LMTK3: variants seen among roughly 807,000 people sequenced by gnomAD.
LMTK3 encodes the protein lemur tail kinase 3.
Under a neutral mutation model 116.7 loss-of-function variants are expected in LMTK3, and 27 were observed. The ratio of observed to expected loss-of-function variants is 0.23; its 90% CI spans 0.17 to 0.32. LMTK3 has a LOEUF of 0.32. Ranked by LOEUF, LMTK3 falls within the 10% of genes least tolerant of loss-of-function variation. The pLI is 1.00. For missense variants in LMTK3, 1,764 were observed against 2,068.5 expected (o/e 0.85, Z 2.86); for synonymous variants, 965 against 971.0 (o/e 0.99, Z 0.11).
chr19:48,486,216 C>A (rs1450596346), intron 14 of LMTK3, among the ~76,000 whole-genome samples: 1 of 150,294 alleles, frequency 6.7e-6, no homozygotes, highest in African/African-American at 2.5e-5. Flanking sequence ...CCCGCCACTA[C>A]GCCCGGCTAA....
At position 48,509,555 on chromosome 19, in the gene LMTK3, T is replaced by A. The variant is rs370567574; in HGVS notation, c.362-42A>T. 90 of 1,489,622 alleles carry A rather than the reference T, an allele frequency of 6.0e-5. No individual in the cohort carries two copies. In the African/African-American group the frequency reaches 1.2e-3, roughly 19 times the overall value. The allele number at this position is 1,489,622 out of a possible 1,614,324, so 92.3% of individuals were successfully genotyped here. On this transcript the variant is annotated intron_variant, in intron 3 of 14. Coordinates refer to ENST00000600059, the MANE Select transcript of LMTK3 (RefSeq NM_001388485.1). ...GGGAAAGCCCCTGAGTCTCTCCCCC[T>A]TCCTGAGTGCTACCAACACACCCCA...
Position 48,496,179 on chromosome 19 carries a change from G to A in LMTK3, c.3676+1214C>T, listed in dbSNP as rs561156060. ...GGCTGGAGTGCAGTGACGTGATCTC[G>A]GCTCACTGCAATCTCTGACTCACAG... On this transcript the variant is annotated intron_variant, in intron 11 of 14. Coordinates refer to ENST00000600059, the MANE Select transcript of LMTK3 (RefSeq NM_001388485.1). Among the ~76,000 whole-genome samples the A allele has an allele frequency of 2.0e-5, 3 of 152,196 alleles. No homozygotes were observed. In the South Asian group the frequency reaches 6.2e-4, roughly 32 times the overall value.
Position 48,499,806 on chromosome 19 carries a change from C to T in LMTK3, c.1263G>A (p.Pro421=), listed in dbSNP as rs1412510259. The T allele has an allele frequency of 8.0e-6, 5 of 623,018 alleles. No homozygotes were observed. Among genetic ancestry groups the T allele is most frequent in the South Asian group, 3.9e-5 (2 of 51,814 alleles). The allele number at this position is 623,018 out of a possible 1,614,324, so 38.6% of individuals were successfully genotyped here. Residue 421 remains proline, a synonymous_variant, in exon 11 of 15, where the codon CCG becomes CCA. Transcript: ENST00000600059. The part of the protein sequence containing the change: ...LLSERPPRPP[P]PPPPPRDGPF... ...GACCGTCTCGGGGTGGGGGTGGCGG[C>T]GGTGGGGGCCGGGGAGGCCGCTCGG...
At chr19:48,487,961 G>A (rs1017198130) in intron 14 of LMTK3, among the ~76,000 whole-genome samples, 1 of 152,158 alleles carries the variant, frequency 6.6e-6, no homozygotes, top group Non-Finnish European at 1.5e-5. Flanking sequence ...GGGCAGAGGA[G>A]AGGACCCGCC....
Position 48,499,426 on chromosome 19 carries a change from G to A in LMTK3, c.1643C>T (p.Pro548Leu). The A allele has an allele frequency of 6.8e-7, 1 of 1,461,574 alleles. No homozygotes were observed. Among genetic ancestry groups the A allele is most frequent in the Non-Finnish European group, 9.0e-7 (1 of 1,106,388 alleles). 90.5% of individuals were successfully genotyped at this position (1,461,574 alleles called of 1,614,324 possible). ...GTCGTTGGGGAAGAGGGGCTCAGGAGGGGAGCCGTGCTCCTCCAAGCGGAT... is the reference window on the plus strand; with the variant it reads ...GTCGTTGGGGAAGAGGGGCTCAGGAAGGGAGCCGTGCTCCTCCAAGCGGAT... ...YYIRLEEHGS[P>L]PEPLFPNDWD... The change falls in exon 11 of 15, where the codon CCT becomes CTT. Residue 548 changes from proline to leucine, a missense_variant. By Grantham distance (98) the Pro-to-Leu change is moderately conservative. Around this residue, in one of 7 missense-constraint regions of LMTK3, gnomAD observed 1,028 missense variants for 1,050.6 expected, o/e 0.98. Coordinates refer to ENST00000600059, the MANE Select transcript of LMTK3 (RefSeq NM_001388485.1).
At chr19:48,490,991 G>T in intron 14 of LMTK3, 117 bp downstream of exon 14, 1 of 653,912 alleles carries the variant, frequency 1.5e-6, no homozygotes, top group Non-Finnish European at 2.2e-6. Context: ...AGAGGGGAGA[G>T]AGAAGAGACT....
chr19:48,505,082 TC>T (rs1271299900), intron 5 of LMTK3, among the ~76,000 whole-genome samples: 1 of 106,928 alleles, frequency 9.4e-6, no homozygotes, highest in African/African-American at 5.5e-5. Context: ...TCTGACAGTT[TC>T]TCTCTCTCTC....
In LMTK3 at chr19:48,493,760, G is replaced by T. The variant is rs1382773869; in HGVS notation, c.4026C>A (p.Ser1342Arg). 3 of 1,561,342 alleles carry T rather than the reference G, an allele frequency of 1.9e-6. No homozygotes were observed. Among genetic ancestry groups the T allele is most frequent in the African/African-American group, 2.7e-5 (2 of 72,852 alleles). The stretch of plus-strand genomic sequence containing the variant: ...CCATCTTGCGCTTCCTCTCCAGCTC[G>T]CTGTCCTCTGGCTCGTCGGCCCCGC... ...SPRGADEPEDSELERKRKMVS... is the reference protein window; with the variant it reads ...SPRGADEPEDRELERKRKMVS... The change falls in exon 12 of 15, where the codon AGC becomes AGA. Residue 1342 changes from serine to arginine, a missense_variant. Ser to Arg is a moderately radical substitution (Grantham distance 110). This residue lies in a region of LMTK3 where 281 missense variants were observed against 301.4 expected (regional missense o/e 0.93). Transcript: ENST00000600059.
At chr19:48,511,283 T>A (rs893914160) in intron 1 of LMTK3, among the ~76,000 whole-genome samples, 1 of 152,126 alleles carries the variant, frequency 6.6e-6, no homozygotes, top group Non-Finnish European at 1.5e-5. Context: ...CATACACACA[T>A]GTTGCCCAAA....
Position 48,491,616 on chromosome 19 carries a change from A to T in LMTK3, c.4093-77T>A. The T allele has an allele frequency of 8.2e-7, 1 of 1,214,324 alleles. No homozygotes were observed. Among genetic ancestry groups the T allele is most frequent in the South Asian group, 3.3e-5 (1 of 30,592 alleles). The allele number at this position is 1,214,324 out of a possible 1,614,324, so 75.2% of individuals were successfully genotyped here. On this transcript the variant is annotated intron_variant, in intron 12 of 14. Coordinates refer to ENST00000600059, the MANE Select transcript of LMTK3 (RefSeq NM_001388485.1). This position sits in a 1 kb window ranked among gnomAD's most constrained non-coding sequence, Gnocchi z 5.1. ...TTTACCGCATCCCCCAAAAGCAACA[A>T]AACCGGCTAATATTTCTGGGGCTCT...
Position 48,498,288 on chromosome 19 carries a change from T to G in LMTK3, c.2781A>C (p.Thr927=). ...CTCTCTGGTCCCCGTTCTCCAGCAC[T>G]GTCACCCCGTTCACTGGGAGGCTCA... ...PSLSLPVNGV[T]VLENGDQRAP... The change falls in exon 11 of 15, where the codon ACA becomes ACC. Residue 927 remains threonine, a synonymous_variant. Transcript: ENST00000600059. 1 of 1,613,282 alleles carries G rather than the reference T, an allele frequency of 6.2e-7. No homozygotes were observed. The highest frequency in any genetic ancestry group is 8.5e-7 in the Non-Finnish European group (1 of 1,179,684).
chr19:48,492,963 C>T (rs1488257642), intron 12 of LMTK3, among the ~76,000 whole-genome samples: 3 of 151,276 alleles, frequency 2.0e-5, no homozygotes, highest in African/African-American at 7.3e-5. Flanking sequence ...TCAAAGCCTC[C>T]TCCCATCTTC....
At position 48,504,971 on chromosome 19, in the gene LMTK3, G is replaced by A. The variant is rs1324555209; in HGVS notation, c.558-1975C>T. ...TGTACTTCCCATGGTGCTTTGCATG[G>A]CTGACTTCTCCAAGTCAACCCGGCC... On this transcript the variant is annotated intron_variant, in intron 5 of 14. Transcript: ENST00000600059. Among the ~76,000 whole-genome samples the A allele has an allele frequency of 2.0e-5, 3 of 151,932 alleles. No individual in the cohort carries two copies. In the East Asian group the frequency reaches 5.8e-4, roughly 29 times the overall value.
Position 48,497,222 on chromosome 19 carries a change from G to C in LMTK3, c.3676+171C>G, listed in dbSNP as rs1417511216. On this transcript the variant is annotated intron_variant, in intron 11 of 14. Transcript: ENST00000600059. This position sits in a 1 kb window ranked among gnomAD's most constrained non-coding sequence, Gnocchi z 5.7. ...CGTGCAGCAAGGACATTTGCCCAAG[G>C]CCAAAGAGCTAGAGAGGGGGCTGAG... 1.3e-5 allele frequency among the ~76,000 whole-genome samples: 2 copies of C among 152,190 alleles called. No homozygotes were observed. The highest frequency in any genetic ancestry group is 2.4e-5 in the African/African-American group (1 of 41,450).
chr19:48,492,880 C>T (rs1168459409), intron 12 of LMTK3, among the ~76,000 whole-genome samples: 2 of 152,108 alleles, frequency 1.3e-5, no homozygotes, highest in African/African-American at 4.8e-5. Flanking sequence ...TGCCCTCACC[C>T]TAGGTCCCGC....
chr19:48,501,451 C>A lies in LMTK3; in HGVS notation c.879+27G>T, dbSNP rs143363986. 22 of 1,612,632 alleles carry A rather than the reference C, an allele frequency of 1.4e-5. No individual in the cohort carries two copies. In the East Asian group the frequency reaches 4.7e-4, roughly 34 times the overall value. ...CAGGCGGGTCAGGGCACCCCACAGC[C>A]CCCATCCCGACGGAAGGAAGCCCTA... On this transcript the variant is annotated intron_variant, in intron 8 of 14. Coordinates refer to ENST00000600059, the MANE Select transcript of LMTK3 (RefSeq NM_001388485.1).
At position 48,493,904 on chromosome 19, in the gene LMTK3, C is replaced by A; in HGVS notation, c.3882G>T (p.Pro1294=). The change falls in exon 12 of 15, where the codon CCG becomes CCT. Residue 1294 remains proline, a synonymous_variant. Transcript: ENST00000600059. ...GGCCCCGCGGCCCCGCCGCCGCGCC[C>A]GGCGCCGCCGCCTCCTCGTCCTCCT... The part of the protein sequence containing the change: ...DEEEDEEAAA[P]GAAAGPRGPG... 1 of 1,030,426 alleles carries A rather than the reference C, an allele frequency of 9.7e-7. No homozygotes were observed. The highest frequency in any genetic ancestry group is 1.2e-6 in the Non-Finnish European group (1 of 862,924). The allele number at this position is 1,030,426 out of a possible 1,614,324, so 63.8% of individuals were successfully genotyped here. A position where few individuals can be genotyped will look rare whatever the true frequency, so the allele number is the denominator to read the frequency against.
chr19:48,496,898 A>G (rs1288932915), intron 11 of LMTK3, among the ~76,000 whole-genome samples: 1 of 152,244 alleles, frequency 6.6e-6, no homozygotes, highest in South Asian at 2.1e-4. Flanking sequence ...CAGATTCGCC[A>G]ACACCAGGTG....
chr19:48,510,657 T>C (rs1247656939), intron 1 of LMTK3, 65 bp from the exon 2 acceptor site: 1 of 1,468,390 alleles, frequency 6.8e-7, no homozygotes, highest in East Asian at 2.6e-5. Flanking sequence ...TCATGCCCCC[T>C]CCCGTCCCGG....
Sources: gnomAD v4.1 joint callset for allele counts (sites outside exome capture counted in the v4.1 genomes callset) on GRCh38, gnomAD v4.1.1 for gene constraint, gnomAD v4.1.1 regional missense constraint, Gnocchi (gnomAD v3.1) non-coding constraint, MANE v1.5 for transcripts, NCBI Gene and HGNC (gene_info 2026-07-23, HGNC 2026-07-21) for gene names.